The following SIPA1L2 variants were observed in gnomAD, a reference collection of about 807,000 sequenced individuals.
SIPA1L2 encodes signal-induced proliferation-associated 1-like protein 2.
Under a neutral mutation model 163.9 loss-of-function variants are expected in SIPA1L2, and 56 were observed. The ratio of observed to expected loss-of-function variants is 0.34; its 90% CI spans 0.28 to 0.43. SIPA1L2 has a LOEUF of 0.43. SIPA1L2 is among the 20% of genes least tolerant of loss of function. SIPA1L2 has a pLI of 1.00. For missense variants in SIPA1L2, 1,974 were observed against 2,193.5 expected (o/e 0.90, Z 2.00); for synonymous variants, 877 against 865.7 (o/e 1.01, Z -0.23).
intron 7 of SIPA1L2, 68 bp downstream of exon 7, chr1:232,479,559 A>G (rs181621638): frequency 3.4e-5 from 42 of 1,235,674 alleles, no homozygotes; most frequent in Admixed American, 2.5e-4. Flanking sequence ...ACATGCATCA[A>G]TATCATCAGT....
At chr1:232,462,101 G>C in intron 9 of SIPA1L2, 1 of 956,826 alleles carries the variant, frequency 1.0e-6, no homozygotes, top group Non-Finnish European at 1.7e-6. Flanking sequence ...GTCAACAGCA[G>C]TTCCACAAAA....
chr1:232,437,924 A>G (rs1218538123), intron 15 of SIPA1L2, among the ~76,000 whole-genome samples: 2 of 152,112 alleles, frequency 1.3e-5, no homozygotes, highest in African/African-American at 4.8e-5. Context: ...GTGGAGTGGG[A>G]AGATGGAGGC....
Position 232,465,453 on chromosome 1 carries a change from T to A in SIPA1L2, c.2244-37A>T. Reference sequence around the variant, plus strand: ...AAAACAGAAACAAAATGAGATGAGCTATGATACCATAATATGTATCTTTCC... The same window carrying A: ...AAAACAGAAACAAAATGAGATGAGCAATGATACCATAATATGTATCTTTCC... On this transcript the variant is annotated intron_variant, in intron 8 of 22. Transcript: ENST00000674635. This position sits in a 1 kb window ranked among gnomAD's most constrained non-coding sequence, Gnocchi z 4.1. The A allele has an allele frequency of 6.5e-7, 1 of 1,541,304 alleles. No homozygotes were observed. The highest frequency in any genetic ancestry group is 2.3e-5 in the East Asian group (1 of 44,392).
chr1:232,518,860 T>G (rs1197531071), intron 2 of SIPA1L2, among the ~76,000 whole-genome samples: 2 of 152,176 alleles, frequency 1.3e-5, no homozygotes, highest in Non-Finnish European at 2.9e-5. Context: ...TAATAAATAT[T>G]ATTAAATTAA....
At chr1:232,496,961 A>G (rs1311380321) in intron 3 of SIPA1L2, among the ~76,000 whole-genome samples, 1 of 152,230 alleles carries the variant, frequency 6.6e-6, no homozygotes, top group Non-Finnish European at 1.5e-5. Flanking sequence ...ACAAGATCCA[A>G]AAGAATTTCA....
chr1:232,403,389 A>C (rs1660458954), intron 21 of SIPA1L2, 59 bp downstream of exon 21: 2 of 1,583,090 alleles, frequency 1.3e-6, no homozygotes, highest in Non-Finnish European at 1.7e-6. Context: ...CGGTTAGCCG[A>C]ATCTTGGCTA....
intron 7 of SIPA1L2, among the ~76,000 whole-genome samples, chr1:232,472,149 C>T (rs1325714170): frequency 2.6e-5 from 4 of 152,174 alleles, no homozygotes; most frequent in African/African-American, 7.2e-5. Flanking sequence ...GGGAATGATG[C>T]TCAGAGCAGT....
chr1:232,585,780 C>T (rs970285454), intron 1 of SIPA1L2, among the ~76,000 whole-genome samples: 4 of 152,186 alleles, frequency 2.6e-5, no homozygotes, highest in Non-Finnish European at 5.9e-5. Flanking sequence ...TGATACTGAA[C>T]ATGCAAATCA....
intron 1 of SIPA1L2, among the ~76,000 whole-genome samples, chr1:232,599,306 G>A (rs1166124103): frequency 2.0e-5 from 3 of 152,094 alleles, no homozygotes; most frequent in East Asian, 1.9e-4. Context: ...TGAGTCTGAC[G>A]GTGGAGCCTA....
At chr1:232,547,613 AGAGT>A (rs1403383190) in intron 2 of SIPA1L2, among the ~76,000 whole-genome samples, 1 of 151,866 alleles carries the variant, frequency 6.6e-6, no homozygotes, top group African/African-American at 2.4e-5. Flanking sequence ...GGGGCAGATA[AGAGT>A]GAGAAAAAGT....
intron 3 of SIPA1L2, among the ~76,000 whole-genome samples, chr1:232,499,871 A>C (rs1261958178): frequency 6.6e-6 from 1 of 152,228 alleles, no homozygotes; most frequent in Non-Finnish European, 1.5e-5. Flanking sequence ...CTTATTGATC[A>C]TTTGGAAAAC....
intron 15 of SIPA1L2, among the ~76,000 whole-genome samples, chr1:232,434,139 T>C (rs1332483959): frequency 6.6e-6 from 1 of 152,196 alleles, no homozygotes; most frequent in Admixed American, 6.5e-5. Context: ...TCCTCCAGTA[T>C]GCTGTAAATA....
chr1:232,621,635 G>A (rs747989499), intron 1 of SIPA1L2, among the ~76,000 whole-genome samples: 74 of 152,232 alleles, frequency 4.9e-4, no homozygotes, highest in Non-Finnish European at 6.6e-4. Context: ...GTTCAAGCAC[G>A]GTAACATTTT....
At chr1:232,446,331 T>C (rs1663216808) in intron 10 of SIPA1L2, among the ~76,000 whole-genome samples, 1 of 152,228 alleles carries the variant, frequency 6.6e-6, no homozygotes, top group South Asian at 2.1e-4. Flanking sequence ...ACTGGGCCTC[T>C]GGTCCTCACA....
chr1:232,434,000 G>C (rs530666683), intron 15 of SIPA1L2, among the ~76,000 whole-genome samples: 1 of 152,308 alleles, frequency 6.6e-6, no homozygotes, highest in South Asian at 2.1e-4. Flanking sequence ...GAAGCACTTA[G>C]AACAGTGAGT....
intron 5 of SIPA1L2, among the ~76,000 whole-genome samples, chr1:232,489,233 C>G (rs1404498162): frequency 2.0e-5 from 3 of 152,178 alleles, no homozygotes; most frequent in African/African-American, 7.2e-5. Flanking sequence ...GTTCTTTTCA[C>G]CAACTCTCTT....
In SIPA1L2 at chr1:232,585,264, A is replaced by G. The variant is rs7520013; in HGVS notation, c.-318-11042T>C. On this transcript the variant is annotated intron_variant, in intron 1 of 22. Coordinates refer to ENST00000674635, the MANE Select transcript of SIPA1L2 (RefSeq NM_020808.5). ...CAGCAGCAATGTATTAGAACCAAAG[A>G]TGACAGTTCTATAAACATAGCAGAA... 6.0e-3 allele frequency among the ~76,000 whole-genome samples: 907 copies of G among 152,352 alleles called. 5 individuals carry two copies. Among genetic ancestry groups the G allele is most frequent in the African/African-American group, 0.02 (846 of 41,584 alleles).
chr1:232,563,293 C>G (rs1357409654), intron 2 of SIPA1L2, among the ~76,000 whole-genome samples: 2 of 152,188 alleles, frequency 1.3e-5, no homozygotes, highest in Non-Finnish European at 2.9e-5. Flanking sequence ...CTCTTGTGGT[C>G]ACCTCTTCAC....
intron 6 of SIPA1L2, among the ~76,000 whole-genome samples, chr1:232,481,505 A>G (rs1263744465): frequency 6.6e-6 from 1 of 152,212 alleles, no homozygotes; most frequent in Non-Finnish European, 1.5e-5. Flanking sequence ...TGATAATAAT[A>G]TGTCTTTCTC....
Sources: gnomAD v4.1 joint callset for allele counts (sites outside exome capture counted in the v4.1 genomes callset) on GRCh38, gnomAD v4.1.1 for gene constraint, Gnocchi (gnomAD v3.1) non-coding constraint, MANE v1.5 for transcripts, NCBI Gene and HGNC (gene_info 2026-07-23, HGNC 2026-07-21) for gene names.